MYOF: variants seen among roughly 807,000 people sequenced by gnomAD.
MYOF encodes myoferlin, also known as fer-1-like 3, myoferlin.
Under a neutral mutation model 284.2 loss-of-function variants are expected in MYOF, and 244 were observed. The ratio of observed to expected loss-of-function variants is 0.86; its 90% CI spans 0.77 to 0.95. MYOF has a LOEUF of 0.95. Among genes scored for constraint, MYOF ranks in the 40% least tolerant of loss-of-function variants. The pLI is 0.00. For synonymous variants in MYOF, 904 were observed against 919.7 expected (o/e 0.98, Z 0.31); for missense variants, 2,496 against 2,560.6 (o/e 0.97, Z 0.54).
intron 19 of MYOF, among the ~76,000 whole-genome samples, chr10:93,385,843 CTT>C (rs34820102): frequency 1.2e-3 from 169 of 142,820 alleles, no homozygotes; most frequent in African/African-American, 1.6e-3. Context: ...ATATTGTTGA[CTT>C]TTTTTTTTTT....
At chr10:93,316,233 C>T (rs969485845) in intron 50 of MYOF, among the ~76,000 whole-genome samples, 5 of 151,394 alleles carry the variant, frequency 3.3e-5, no homozygotes, top group Admixed American at 6.6e-5. Context: ...CCATGGGGGG[C>T]GAGGGAGGAG....
intron 23 of MYOF, 115 bp downstream of exon 23, chr10:93,374,648 T>G: frequency 9.5e-7 from 1 of 1,054,950 alleles, no homozygotes; most frequent in Non-Finnish European, 1.4e-6. Context: ...CTGTCAGAGC[T>G]GCTCAATATC....
At chr10:93,333,022 C>T (rs1843405944) in intron 43 of MYOF, among the ~76,000 whole-genome samples, 199 bp downstream of exon 43, 1 of 152,308 alleles carries the variant, frequency 6.6e-6, no homozygotes, top group South Asian at 2.1e-4. Context: ...TGCAAGCTAT[C>T]AGAACCAAGC....
At chr10:93,450,124 T>C (rs1263924488) in intron 3 of MYOF, among the ~76,000 whole-genome samples, 1 of 152,090 alleles carries the variant, frequency 6.6e-6, no homozygotes, top group Non-Finnish European at 1.5e-5. Flanking sequence ...CCGGGTGCAG[T>C]AGCTCACACC....
chr10:93,429,458 C>G (rs552613334), intron 4 of MYOF, among the ~76,000 whole-genome samples: 1 of 152,142 alleles, frequency 6.6e-6, no homozygotes, highest in Non-Finnish European at 1.5e-5. Context: ...TTCTAGGGGT[C>G]TACATATGCT....
At chr10:93,344,053 T>A in intron 37 of MYOF, 121 bp from the exon 38 acceptor site, 2 of 993,122 alleles carry the variant, frequency 2.0e-6, no homozygotes, top group Non-Finnish European at 3.1e-6. Flanking sequence ...TGGATGGGAC[T>A]TACAGAATAG....
chr10:93,352,891 A>G (rs1461155749), intron 32 of MYOF, among the ~76,000 whole-genome samples: 2 of 152,210 alleles, frequency 1.3e-5, no homozygotes, highest in Admixed American at 1.3e-4. Flanking sequence ...TATTGCAGAG[A>G]TAACCTTGAA....
At chr10:93,371,690 T>C (rs577943435) in intron 24 of MYOF, among the ~76,000 whole-genome samples, 1 of 152,258 alleles carries the variant, frequency 6.6e-6, no homozygotes, top group Admixed American at 6.5e-5. Flanking sequence ...TAAATATTCA[T>C]AGGTATAACC....
chr10:93,399,527 A>G (rs1302545243), intron 12 of MYOF, 32 bp from the exon 13 acceptor site: 1 of 1,533,326 alleles, frequency 6.5e-7, no homozygotes, highest in African/African-American at 1.4e-5. Context: ...GCAGAAATTA[A>G]ATTCAATTCC....
intron 30 of MYOF, 147 bp downstream of exon 30, chr10:93,356,528 T>C (rs918213567): frequency 1.3e-6 from 1 of 793,256 alleles, no homozygotes; most frequent in African/African-American, 1.7e-5. Context: ...GCACCCAGGA[T>C]GTGTGGCTTT....
intron 3 of MYOF, among the ~76,000 whole-genome samples, chr10:93,442,095 T>G (rs1282979176): frequency 6.6e-6 from 1 of 151,702 alleles, no homozygotes; most frequent in African/African-American, 2.4e-5. Flanking sequence ...AACATACCTA[T>G]GTAAAATCCA....
At chr10:93,452,857 G>C (rs2134309261) in intron 2 of MYOF, among the ~76,000 whole-genome samples, 1 of 152,080 alleles carries the variant, frequency 6.6e-6, no homozygotes, top group Admixed American at 6.5e-5. Context: ...TTTCTAAAAT[G>C]CCTCTCATTT....
At chr10:93,335,522 G>A (rs941469467) in intron 41 of MYOF, among the ~76,000 whole-genome samples, 1 of 152,188 alleles carries the variant, frequency 6.6e-6, no homozygotes, top group African/African-American at 2.4e-5. Flanking sequence ...AGCATGGTAG[G>A]GGCAGTAGGA....
chr10:93,403,324 A>G (rs1192342285), intron 9 of MYOF, among the ~76,000 whole-genome samples: 1 of 152,174 alleles, frequency 6.6e-6, no homozygotes, highest in East Asian at 1.9e-4. Flanking sequence ...TGGGCACTTC[A>G]ATGTGCCAGG....
Position 93,409,559 on chromosome 10 carries a change from C to T in MYOF, c.600+14G>A. The T allele has an allele frequency of 6.2e-7, 1 of 1,609,872 alleles. No homozygotes were observed. Among genetic ancestry groups the T allele is most frequent in the East Asian group, 2.2e-5 (1 of 44,820 alleles). ...AAGATTAAACAAAGAAGCAGAACGC[C>T]AGGCCGTTGCTACCTGGAAGTCCTG... On this transcript the variant is annotated intron_variant, in intron 6 of 53. Coordinates refer to ENST00000359263, the MANE Select transcript of MYOF (RefSeq NM_013451.4).
At chr10:93,475,904 G>A (rs868408329) in intron 1 of MYOF, among the ~76,000 whole-genome samples, 1 of 152,170 alleles carries the variant, frequency 6.6e-6, no homozygotes, top group Non-Finnish European at 1.5e-5. Flanking sequence ...CCTGCAGAAT[G>A]TGCCTTTGGG....
intron 29 of MYOF, among the ~76,000 whole-genome samples, chr10:93,358,071 A>G (rs1307802171): frequency 2.6e-5 from 4 of 152,266 alleles, no homozygotes; most frequent in Non-Finnish European, 5.9e-5. Context: ...AAGGTCTAAT[A>G]TCCAGAATCT....
intron 22 of MYOF, among the ~76,000 whole-genome samples, chr10:93,375,684 C>A (rs1340377079): frequency 6.6e-6 from 1 of 152,212 alleles, no homozygotes; most frequent in African/African-American, 2.4e-5. Context: ...AACGTCTAAA[C>A]AATGTTGCCA....
At chr10:93,335,764 C>A (rs187997397) in intron 41 of MYOF, among the ~76,000 whole-genome samples, 157 bp downstream of exon 41, 2 of 151,650 alleles carry the variant, frequency 1.3e-5, no homozygotes, top group African/African-American at 4.9e-5. Context: ...CCTACCTAGA[C>A]CCTGGTTGTC....
Sources: allele counts gnomAD v4.1 joint callset (sites outside exome capture counted in the v4.1 genomes callset), GRCh38; gene constraint gnomAD v4.1.1; transcripts MANE v1.5; gene names NCBI Gene and HGNC (gene_info 2026-07-23, HGNC 2026-07-21).